The following BSDC1 variants were observed in gnomAD, a reference collection of about 807,000 sequenced individuals.
BSDC1 encodes the protein BSD domain containing 1, also known as BSD domain-containing protein 1.
A neutral mutation model predicts 56.0 loss-of-function variants in BSDC1; 29 were observed. The ratio of observed to expected loss-of-function variants is 0.52; its 90% CI spans 0.39 to 0.71. The LOEUF is 0.71. Ranked by LOEUF, BSDC1 falls within the 30% of genes least tolerant of loss-of-function variation. The probability of loss-of-function intolerance (pLI) is 0.00; values close to 1 mark genes in which losing one functional copy is unlikely to be tolerated. For missense variants in BSDC1, 477 were observed against 548.5 expected (o/e 0.87, Z 1.30); for synonymous variants, 210 against 215.3 (o/e 0.98, Z 0.21).
At chr1:32,393,962 G>A in intron 2 of BSDC1, 118 bp downstream of exon 2, 1 of 969,754 alleles carries the variant, frequency 1.0e-6, no homozygotes, top group Non-Finnish European at 1.6e-6. Flanking sequence ...GAAAGGCCCA[G>A]GTCAGCCTCA....
intron 9 of BSDC1, among the ~76,000 whole-genome samples, chr1:32,369,002 A>T (rs915072954): frequency 6.6e-6 from 1 of 152,096 alleles, no homozygotes; most frequent in African/African-American, 2.4e-5. Context: ...CCTGGCCCCC[A>T]CTTTTAAGAA....
At position 32,386,767 on chromosome 1, in the gene BSDC1, G is replaced by C; in HGVS notation, c.189+12C>G. The C allele has an allele frequency of 6.2e-7, 1 of 1,610,028 alleles. No homozygotes were observed. On this transcript the variant is annotated intron_variant, in intron 3 of 10. Coordinates refer to ENST00000455895, the MANE Select transcript of BSDC1 (RefSeq NM_018045.8). Reference sequence around the variant, plus strand: ...AGGGGCAGTTACTTGGGAGGGTTTGGGTGGTACTCACAGCCAGCTTCTCCT... The same window carrying C: ...AGGGGCAGTTACTTGGGAGGGTTTGCGTGGTACTCACAGCCAGCTTCTCCT...
At chr1:32,375,354 G>A (rs1277743459) in intron 9 of BSDC1, among the ~76,000 whole-genome samples, 1 of 151,810 alleles carries the variant, frequency 6.6e-6, no homozygotes. Context: ...TGCTGGGCAA[G>A]CTTTGTGGCT....
rs187053479 is a variant in BSDC1, at chr1:32,394,372, C to T, written c.11+32G>A. 3.1e-6 allele frequency: 5 copies of T among 1,614,138 alleles called. No individual in the cohort carries two copies. In the African/African-American group the frequency reaches 5.3e-5, roughly 17 times the overall value. On this transcript the variant is annotated intron_variant, in intron 1 of 10. Coordinates refer to ENST00000455895, the MANE Select transcript of BSDC1 (RefSeq NM_018045.8). ...ACCCCAACCCTGGGAGAATTCAGGCCCCAACGCCTAGGAGCAAAACGACAA... is the reference window on the plus strand; with the variant it reads ...ACCCCAACCCTGGGAGAATTCAGGCTCCAACGCCTAGGAGCAAAACGACAA...
At chr1:32,388,191 G>A (rs138283185) in intron 2 of BSDC1, among the ~76,000 whole-genome samples, 22 of 152,054 alleles carry the variant, frequency 1.4e-4, no homozygotes, top group African/African-American at 5.1e-4. Context: ...GTTTTTGAGC[G>A]CTCCTGTGGT....
intron 5 of BSDC1, among the ~76,000 whole-genome samples, chr1:32,380,308 G>A (rs187895257): frequency 2.0e-4 from 31 of 152,220 alleles, no homozygotes; most frequent in South Asian, 8.3e-4. Context: ...TGCTCTTCCC[G>A]ACTTCTCATA....
At chr1:32,382,458 T>C (rs1642513431) in intron 4 of BSDC1, among the ~76,000 whole-genome samples, 1 of 148,186 alleles carries the variant, frequency 6.7e-6, no homozygotes, top group Non-Finnish European at 1.5e-5. Context: ...AGGGAGACCC[T>C]ATTTCAAAAA....
At chr1:32,381,407 T>C in intron 4 of BSDC1, 139 bp from the exon 5 acceptor site, 2 of 828,104 alleles carry the variant, frequency 2.4e-6, no homozygotes, top group Non-Finnish European at 4.0e-6. Context: ...CATCTGTTAA[T>C]TAGCACTGTG....
chr1:32,371,769 G>A (rs1187595365), intron 9 of BSDC1, among the ~76,000 whole-genome samples: 1 of 152,020 alleles, frequency 6.6e-6, no homozygotes, highest in African/African-American at 2.4e-5. Context: ...TTCCTTCTAT[G>A]GTATCCTGCA....
At position 32,378,615 on chromosome 1, in the gene BSDC1, C is replaced by T; in HGVS notation, c.528+109G>A. Reference sequence around the variant, plus strand: ...AGCTGGTCTGGCTCTATGGAGCCTCCCAGTGCTCTCCGGGCCAGATGACTC... The same window carrying T: ...AGCTGGTCTGGCTCTATGGAGCCTCTCAGTGCTCTCCGGGCCAGATGACTC... On this transcript the variant is annotated intron_variant, in intron 6 of 10. Coordinates refer to ENST00000455895, the MANE Select transcript of BSDC1 (RefSeq NM_018045.8). The surrounding 1 kb of genome is among the most constrained non-coding windows in gnomAD (Gnocchi z 5.2). 1.3e-6 allele frequency: 1 copy of T among 794,774 alleles called. No homozygotes were observed. Among genetic ancestry groups the T allele is most frequent in the Non-Finnish European group, 2.0e-6 (1 of 507,942 alleles). 49.2% of individuals were successfully genotyped at this position (794,774 alleles called of 1,614,324 possible).
chr1:32,366,811 A>T (rs1641871508), intron 10 of BSDC1, 157 bp from the exon 11 acceptor site: 1 of 1,386,312 alleles, frequency 7.2e-7, no homozygotes, highest in South Asian at 1.8e-5. Flanking sequence ...GTCTTAAGGA[A>T]TGTGTCTGAG....
chr1:32,371,318 T>TTA (rs1249010843), intron 9 of BSDC1, among the ~76,000 whole-genome samples: 1 of 147,086 alleles, frequency 6.8e-6, no homozygotes, highest in African/African-American at 2.5e-5. Flanking sequence ...TTTTTTTTTT[T>TTA]TTTTTTTTAT....
In BSDC1 at chr1:32,378,661, C is replaced by T; in HGVS notation, c.528+63G>A. ...GACTCTGCAGTGACTCTGAACATGTCCCTCCCACCTCCCAACACCTCAAGC... is the reference window on the plus strand; with the variant it reads ...GACTCTGCAGTGACTCTGAACATGTTCCTCCCACCTCCCAACACCTCAAGC... On this transcript the variant is annotated intron_variant, in intron 6 of 10. Coordinates refer to ENST00000455895, the MANE Select transcript of BSDC1 (RefSeq NM_018045.8). This position sits in a 1 kb window ranked among gnomAD's most constrained non-coding sequence, Gnocchi z 5.2. 1 of 1,156,960 alleles carries T rather than the reference C, an allele frequency of 8.6e-7. No individual in the cohort carries two copies. Among genetic ancestry groups the T allele is most frequent in the Non-Finnish European group, 1.2e-6 (1 of 841,196 alleles). The allele number at this position is 1,156,960 out of a possible 1,614,324, so 71.7% of individuals were successfully genotyped here. A position where few individuals can be genotyped will look rare whatever the true frequency, so the allele number is the denominator to read the frequency against.
chr1:32,394,002 G>A, intron 2 of BSDC1, 78 bp downstream of exon 2: 3 of 1,465,168 alleles, frequency 2.0e-6, no homozygotes, highest in Non-Finnish European at 2.8e-6. Flanking sequence ...GCAAAAGTTG[G>A]GCGGGGCTGG....
In BSDC1 at chr1:32,378,063, G is replaced by A; in HGVS notation, c.598-15C>T. 6.2e-7 allele frequency: 1 copy of A among 1,604,094 alleles called. No homozygotes were observed. The highest frequency in any genetic ancestry group is 8.5e-7 in the Non-Finnish European group (1 of 1,174,340). On this transcript the variant is annotated splice_polypyrimidine_tract_variant and intron_variant, in intron 7 of 10. Transcript: ENST00000455895. The surrounding 1 kb of genome is among the most constrained non-coding windows in gnomAD (Gnocchi z 5.2). ...CGGGCCTGCTCCTGAATGTGGGGGA[G>A]CAGAAGGCCACAGGCAGTCAGGGCA...
At chr1:32,375,030 T>C (rs773756319) in intron 9 of BSDC1, among the ~76,000 whole-genome samples, 5 of 152,062 alleles carry the variant, frequency 3.3e-5, no homozygotes, top group Non-Finnish European at 7.3e-5. Context: ...CATGCGCCTG[T>C]AGTCCCAGCT....
chr1:32,371,023 T>C (rs531623549), intron 9 of BSDC1, among the ~76,000 whole-genome samples: 2 of 152,150 alleles, frequency 1.3e-5, no homozygotes, highest in Non-Finnish European at 2.9e-5. Context: ...TTGATGATCA[T>C]TGCTCTAAAC....
chr1:32,367,767 A>G (rs1641905352), intron 10 of BSDC1: 1 of 914,186 alleles, frequency 1.1e-6, no homozygotes, highest in Non-Finnish European at 1.3e-6. Flanking sequence ...GTTTATCACT[A>G]ATGTCTCCTG....
chr1:32,371,657 C>T (rs2148113054), intron 9 of BSDC1, among the ~76,000 whole-genome samples: 1 of 151,990 alleles, frequency 6.6e-6, no homozygotes, highest in South Asian at 2.1e-4. Flanking sequence ...GTCCCTGATC[C>T]TCCAACGGCA....
Sources: allele counts gnomAD v4.1 joint callset (sites outside exome capture counted in the v4.1 genomes callset), GRCh38; gene constraint gnomAD v4.1.1; non-coding constraint Gnocchi (gnomAD v3.1); transcripts MANE v1.5; gene names NCBI Gene and HGNC (gene_info 2026-07-23, HGNC 2026-07-21).